The following KALRN variants were observed in gnomAD, a reference collection of about 807,000 sequenced individuals.
The protein encoded by KALRN is kalirin RhoGEF kinase, also known as kalirin.
A neutral mutation model predicts 353.7 loss-of-function variants in KALRN; 70 were observed. The observed-to-expected ratio is 0.20, with a 90% CI of 0.16 to 0.24. The LOEUF (loss-of-function observed/expected upper bound fraction) is 0.24. Ranked by LOEUF, KALRN falls within the 10% of genes least tolerant of loss-of-function variation. KALRN has a pLI of 1.00. For missense variants in KALRN, 2,791 were observed against 3,756.7 expected (o/e 0.74, Z 6.72); for synonymous variants, 1,391 against 1,434.8 (o/e 0.97, Z 0.69).
At chr3:124,057,978 C>T (rs1483256421) in intron 1 of KALRN, among the ~76,000 whole-genome samples, 1 of 152,172 alleles carries the variant, frequency 6.6e-6, no homozygotes. Context: ...TTTACAGTTC[C>T]ACAATTATGG....
At chr3:124,311,137 C>T (rs2078224053) in intron 6 of KALRN, among the ~76,000 whole-genome samples, 1 of 125,986 alleles carries the variant, frequency 7.9e-6, no homozygotes. Context: ...ACTACTTCTT[C>T]CCCACTAGAA....
chr3:124,656,376 T>G (rs1304118344), intron 39 of KALRN, among the ~76,000 whole-genome samples: 1 of 152,140 alleles, frequency 6.6e-6, no homozygotes, highest in Non-Finnish European at 1.5e-5. Flanking sequence ...TTTGGGAGGC[T>G]GAGACGGGTG....
At position 124,639,119 on chromosome 3, in the gene KALRN, G is replaced by A. The variant is rs1480612140; in HGVS notation, c.5664+1816G>A. ...ACAAATTGTTTTCTTTGCTATCCTC[G>A]AACTCACACTTGGCTTTCTTCCCTC... On this transcript the variant is annotated intron_variant, in intron 37 of 59. Transcript: ENST00000682506. Among the ~76,000 whole-genome samples the A allele has an allele frequency of 6.6e-5, 10 of 152,016 alleles. No homozygotes were observed. The East Asian group carries it at 7.7e-4, about 12-fold the overall frequency.
chr3:124,299,362 C>T (rs886202585), intron 6 of KALRN, among the ~76,000 whole-genome samples: 5 of 152,044 alleles, frequency 3.3e-5, no homozygotes, highest in South Asian at 2.1e-4. Flanking sequence ...TTTCTGCCTT[C>T]GAATATTTAA....
At chr3:124,080,447 T>C (rs1324385711) in intron 1 of KALRN, among the ~76,000 whole-genome samples, 3 of 152,206 alleles carry the variant, frequency 2.0e-5, no homozygotes, top group African/African-American at 7.2e-5. Context: ...GATCTTTCTG[T>C]GCATTTACAT....
chr3:124,203,836 A>C (rs1027228610), intron 1 of KALRN, among the ~76,000 whole-genome samples: 2 of 152,182 alleles, frequency 1.3e-5, no homozygotes, highest in Non-Finnish European at 2.9e-5. Context: ...GTCCTGCTAG[A>C]TCTATGTGAG....
At chr3:124,647,045 T>C (rs1003068275) in intron 37 of KALRN, among the ~76,000 whole-genome samples, 3 of 152,066 alleles carry the variant, frequency 2.0e-5, no homozygotes, top group African/African-American at 7.2e-5. Flanking sequence ...AGGTAAAGTT[T>C]CTACTTCTTT....
In KALRN at chr3:124,118,149, T is replaced by C. The variant is rs1578245411; in HGVS notation, c.73+84336T>C. ...CCTTCCCTCAGGGTGACTGTCAGAC[T>C]TTCCAGCCCCCAGAAACATTCCGTG... On this transcript the variant is annotated intron_variant, in intron 1 of 59. Coordinates refer to ENST00000682506, the MANE Select transcript of KALRN (RefSeq NM_001388419.1). 2.0e-5 allele frequency among the ~76,000 whole-genome samples: 3 copies of C among 152,236 alleles called. No homozygotes were observed. In the East Asian group the frequency reaches 5.8e-4, roughly 30 times the overall value.
intron 17 of KALRN, among the ~76,000 whole-genome samples, chr3:124,438,208 T>C (rs1275742142): frequency 1.3e-5 from 2 of 152,218 alleles, no homozygotes; most frequent in Non-Finnish European, 2.9e-5. Context: ...ATGCTTTTGC[T>C]CTCTTCTGAG....
intron 33 of KALRN, among the ~76,000 whole-genome samples, chr3:124,497,087 T>C (rs1466106698): frequency 1.3e-5 from 2 of 152,130 alleles, no homozygotes; most frequent in Non-Finnish European, 2.9e-5. Flanking sequence ...GTAGCTCTGA[T>C]GGGAAAGCAA....
chr3:124,674,563 T>C lies in KALRN; in HGVS notation c.7142T>C (p.Leu2381Pro). ...AAEGWVPGSI[L>P]APLTKATAAE... ...GAGGGCTGGGTCCCAGGCAGCATCCTGGCGCCCCTCACCAAAGCCACAGCA... is the reference window on the plus strand; with the variant it reads ...GAGGGCTGGGTCCCAGGCAGCATCCCGGCGCCCCTCACCAAAGCCACAGCA... Residue 2381 changes from leucine to proline, a missense_variant, in exon 49 of 60, where the codon CTG (leucine) becomes CCG (proline). Coordinates refer to ENST00000682506, the MANE Select transcript of KALRN (RefSeq NM_001388419.1). 6.2e-7 allele frequency: 1 copy of C among 1,610,052 alleles called. No homozygotes were observed. The highest frequency in any genetic ancestry group is 8.5e-7 in the Non-Finnish European group (1 of 1,177,798).
intron 21 of KALRN, among the ~76,000 whole-genome samples, chr3:124,452,113 G>T (rs570107449): frequency 1.6e-4 from 24 of 152,276 alleles, no homozygotes; most frequent in African/African-American, 5.1e-4. Context: ...CTGTGACCAG[G>T]CATTTGGCAG....
chr3:124,361,877 G>A (rs1019059977), intron 10 of KALRN, among the ~76,000 whole-genome samples: 1 of 152,080 alleles, frequency 6.6e-6, no homozygotes, highest in Non-Finnish European at 1.5e-5. Flanking sequence ...CAGCGGTGGT[G>A]GGGAGAGCTT....
At chr3:124,206,354 T>C (rs1380608792) in intron 1 of KALRN, among the ~76,000 whole-genome samples, 1 of 152,190 alleles carries the variant, frequency 6.6e-6, no homozygotes. Context: ...TATGAGCCAG[T>C]CCTGGAAGTG....
chr3:124,154,519 A>G (rs1183418230), intron 1 of KALRN, among the ~76,000 whole-genome samples: 2 of 152,242 alleles, frequency 1.3e-5, no homozygotes, highest in African/African-American at 4.8e-5. Context: ...CAATTGCTTC[A>G]AAGAGAATAA....
chr3:124,504,299 A>T lies in KALRN; in HGVS notation c.4935+7886A>T, dbSNP rs577864284. ...TCATCTAGCCCTCTTCCTTCTGTTT[A>T]AAAAAAAAAAGTGACTTGCCTAGAG... is the stretch of plus-strand genomic sequence containing the variant. On this transcript the variant is annotated intron_variant, in intron 33 of 59. Coordinates refer to ENST00000682506, the MANE Select transcript of KALRN (RefSeq NM_001388419.1). Among the ~76,000 whole-genome samples the T allele has an allele frequency of 7.0e-4, 103 of 146,224 alleles. 1 individual carries two copies. The East Asian group carries it at 0.017, about 24-fold the overall frequency.
intron 6 of KALRN, among the ~76,000 whole-genome samples, chr3:124,302,576 C>T (rs1580713985): frequency 6.6e-6 from 1 of 152,316 alleles, no homozygotes; most frequent in East Asian, 1.9e-4. Flanking sequence ...TTTATTTTCA[C>T]ATGTCAAGTG....
intron 14 of KALRN, among the ~76,000 whole-genome samples, chr3:124,414,332 T>C (rs1317490678): frequency 6.6e-6 from 1 of 152,164 alleles, no homozygotes; most frequent in Non-Finnish European, 1.5e-5. Flanking sequence ...TGTTTCCTCT[T>C]CTGCTCCCGA....
rs115531088 is a variant in KALRN, at chr3:124,408,521, A to T, written c.2347-4949A>T. ...TCCTATAGTGCTATGAGGATTAAAT[A>T]AAGTTGATCAAACACTTAACACATT... On this transcript the variant is annotated intron_variant, in intron 13 of 59. Transcript: ENST00000682506. Among the ~76,000 whole-genome samples, 307 of 152,338 alleles carry T rather than the reference A, an allele frequency of 2.0e-3. 2 individuals carry two copies. Among genetic ancestry groups the T allele is most frequent in the African/African-American group, 7.1e-3 (294 of 41,574 alleles).
Sources: allele counts gnomAD v4.1 joint callset (sites outside exome capture counted in the v4.1 genomes callset), GRCh38; gene constraint gnomAD v4.1.1; transcripts MANE v1.5; gene names NCBI Gene and HGNC (gene_info 2026-07-23, HGNC 2026-07-21).